CCDC102B: variants seen among roughly 807,000 people sequenced by gnomAD.
The protein encoded by CCDC102B is coiled-coil domain-containing protein 102B.
A neutral mutation model predicts 57.4 loss-of-function variants in CCDC102B; 75 were observed. The ratio of observed to expected loss-of-function variants is 1.31; its 90% CI spans 1.08 to 1.58. The LOEUF is 1.58. Among genes scored for constraint, CCDC102B ranks in the 40% most tolerant of loss-of-function variants. The pLI, the probability that CCDC102B is intolerant of heterozygous loss-of-function variation, is 0.00. For missense variants in CCDC102B, 636 were observed against 582.6 expected (o/e 1.09, Z -0.94); for synonymous variants, 206 against 201.9 (o/e 1.02, Z -0.17).
intron 1 of CCDC102B, among the ~76,000 whole-genome samples, chr18:68,817,321 C>T (rs1033285847): frequency 6.6e-6 from 1 of 152,134 alleles, no homozygotes; most frequent in Non-Finnish European, 1.5e-5. Flanking sequence ...TTTTAGGTTG[C>T]CAAAGAGTGT....
rs1568352227 is a variant in CCDC102B, at chr18:68,956,426, T to A, written c.1264-54508T>A. Among the ~76,000 whole-genome samples, 7 of 44,566 alleles carry A rather than the reference T, an allele frequency of 1.6e-4. 2 individuals are homozygous for A. The highest frequency in any genetic ancestry group is 4.4e-4 in the Admixed American group (1 of 2,288). The allele number at this position is 44,566 out of a possible 152,430, so 29.2% of individuals were successfully genotyped here. A position where few individuals can be genotyped will look rare whatever the true frequency, so the allele number is the denominator to read the frequency against. On this transcript the variant is annotated intron_variant, in intron 6 of 7. Coordinates refer to ENST00000360242, the MANE Select transcript of CCDC102B (RefSeq NM_024781.3). Reference sequence around the variant, plus strand: ...TATATTTTATATATATTATATATATTATACATTTTATATATATTATATATA... The same window carrying A: ...TATATTTTATATATATTATATATATAATACATTTTATATATATTATATATA...
rs534150878 is a variant in CCDC102B at position 68,887,927 on chromosome 18, T to A, written c.1054-9292T>A. Among the ~76,000 whole-genome samples, 16 of 152,280 alleles carry A rather than the reference T, an allele frequency of 1.1e-4. No homozygotes were observed. In the South Asian group the frequency reaches 3.3e-3, roughly 32 times the overall value. ...CCCAAGGCATACATTCATATTTATG[T>A]TTGCTAAATGGGTTTACTTTTTACT... On this transcript the variant is annotated intron_variant, in intron 5 of 7. Coordinates refer to ENST00000360242, the MANE Select transcript of CCDC102B (RefSeq NM_024781.3).
chr18:68,733,497 T>TAC (rs2032982443), intron 2 of CCDC102B, among the ~76,000 whole-genome samples: 1 of 91,164 alleles, frequency 1.1e-5, no homozygotes, highest in East Asian at 3.9e-4. Flanking sequence ...TATATATATA[T>TAC]ATATATATAT....
chr18:69,021,211 G>C (rs1397618073), intron 7 of CCDC102B, among the ~76,000 whole-genome samples: 4 of 152,164 alleles, frequency 2.6e-5, no homozygotes, highest in Non-Finnish European at 5.9e-5. Context: ...TCTTTATTTA[G>C]AAGGACACAG....
chr18:68,891,905 A>C (rs1432381768), intron 5 of CCDC102B, among the ~76,000 whole-genome samples: 1 of 152,184 alleles, frequency 6.6e-6, no homozygotes, highest in Non-Finnish European at 1.5e-5. Flanking sequence ...GGGGTACACA[A>C]TTCAGTCCAT....
chr18:69,028,793 A>G (rs1156629006), intron 7 of CCDC102B, among the ~76,000 whole-genome samples: 2 of 150,602 alleles, frequency 1.3e-5, no homozygotes, highest in Non-Finnish European at 2.9e-5. Context: ...GAGAAGAGTG[A>G]ACAAGCAGCC....
At chr18:68,886,583 T>C (rs2039893896) in intron 5 of CCDC102B, among the ~76,000 whole-genome samples, 1 of 152,152 alleles carries the variant, frequency 6.6e-6, no homozygotes, top group African/African-American at 2.4e-5. Context: ...AATCATTTTA[T>C]TTCAATGTTT....
chr18:68,976,089 A>G (rs1030299945), intron 6 of CCDC102B, among the ~76,000 whole-genome samples: 2 of 152,064 alleles, frequency 1.3e-5, no homozygotes, highest in African/African-American at 4.8e-5. Context: ...CTTGATAGCT[A>G]GAATTAAACC....
intron 4 of CCDC102B, among the ~76,000 whole-genome samples, chr18:68,848,647 A>T (rs781099503): frequency 6.6e-6 from 1 of 152,098 alleles, no homozygotes; most frequent in Non-Finnish European, 1.5e-5. Flanking sequence ...TGCTGTTTCC[A>T]TGCTGAATTT....
chr18:69,056,960 A>T (rs768973434), downstream of CCDC102B, among the ~76,000 whole-genome samples: 19 of 152,172 alleles, frequency 1.2e-4, no homozygotes, highest in Non-Finnish European at 2.4e-4. Flanking sequence ...TAGATACCTC[A>T]TATAAATGGA....
chr18:69,054,037 A>T lies in CCDC102B; in HGVS notation c.1442A>T (p.Asp481Val), dbSNP rs200873817. 1.2e-6 allele frequency: 2 copies of T among 1,601,370 alleles called. No homozygotes were observed. The highest frequency in any genetic ancestry group is 1.7e-6 in the Non-Finnish European group (2 of 1,176,572). The change falls in exon 8 of 8, where the codon GAT becomes GTT. Residue 481 changes from aspartate to valine, a missense_variant. Physicochemically the swap from Asp to Val is radical, Grantham distance 152 (BLOSUM62 -3). Coordinates refer to ENST00000360242, the MANE Select transcript of CCDC102B (RefSeq NM_024781.3). ...TTTCTACTTCGCTTTCAGCTTGATG[A>T]TTCCCTGAATCAGATCCGTAAGCTC... ...GLNQKEDELD[D>V]SLNQIRKLQR... is the part of the protein sequence containing the mutation.
chr18:68,758,710 T>C (rs560072075), intron 2 of CCDC102B, among the ~76,000 whole-genome samples: 1 of 152,012 alleles, frequency 6.6e-6, no homozygotes, highest in African/African-American at 2.4e-5. Context: ...TTCCTTTTTT[T>C]TTTTTGAGAA....
intron 4 of CCDC102B, among the ~76,000 whole-genome samples, chr18:68,857,157 T>C (rs2038449700): frequency 2.1e-5 from 1 of 47,342 alleles, no homozygotes; most frequent in Non-Finnish European, 3.3e-5. Flanking sequence ...AATATATTTA[T>C]ATATTTTTAT....
chr18:68,752,127 G>C (rs1373293505), intron 2 of CCDC102B, among the ~76,000 whole-genome samples: 1 of 152,052 alleles, frequency 6.6e-6, no homozygotes, highest in Non-Finnish European at 1.5e-5. Context: ...AACTGTGGTG[G>C]TGCATGCCTG....
At chr18:69,044,126 A>G (rs543884603) in intron 7 of CCDC102B, among the ~76,000 whole-genome samples, 1 of 152,252 alleles carries the variant, frequency 6.6e-6, no homozygotes, top group South Asian at 2.1e-4. Context: ...TTAATGGTAA[A>G]AATCTATCTC....
chr18:69,029,605 C>T (rs977897846), intron 7 of CCDC102B, among the ~76,000 whole-genome samples: 2 of 152,154 alleles, frequency 1.3e-5, no homozygotes, highest in African/African-American at 4.8e-5. Flanking sequence ...TTTAAACAAG[C>T]AGTTCTCAAC....
At chr18:68,848,224 G>A (rs896081704) in intron 4 of CCDC102B, among the ~76,000 whole-genome samples, 1 of 151,956 alleles carries the variant, frequency 6.6e-6, no homozygotes, top group Admixed American at 6.6e-5. Flanking sequence ...TTGACAATCA[G>A]AAGGTGTGTC....
At chr18:69,056,625 G>GATTCATAGATA (rs2052819185), downstream of CCDC102B, among the ~76,000 whole-genome samples, 2 of 122,008 alleles carry the variant, frequency 1.6e-5, 1 homozygote, top group Admixed American at 1.8e-4. Context: ...TGTTAATTTA[G>GATTCATAGATA]ATAGATAGAT....
chr18:68,985,214 A>G (rs930337128), intron 6 of CCDC102B, among the ~76,000 whole-genome samples: 1 of 152,232 alleles, frequency 6.6e-6, no homozygotes, highest in Non-Finnish European at 1.5e-5. Context: ...AAAATATACA[A>G]TATGCTTAGG....
Sources: gnomAD v4.1 joint callset for allele counts (sites outside exome capture counted in the v4.1 genomes callset) on GRCh38, gnomAD v4.1.1 for gene constraint, MANE v1.5 for transcripts, NCBI Gene and HGNC (gene_info 2026-07-23, HGNC 2026-07-21) for gene names.